Variants in KCNIP3 observed in about 807,000 individuals in gnomAD.
The protein encoded by KCNIP3 is potassium voltage-gated channel interacting protein 3.
In KCNIP3, 28 loss-of-function variants were observed where a neutral mutation model predicts 35.0. That is an observed-to-expected ratio of 0.80 (90% CI 0.59 to 1.10). KCNIP3 has a LOEUF of 1.10. Among genes scored for constraint, KCNIP3 ranks in the 50% least tolerant of loss-of-function variants. The pLI is 0.00. For missense variants in KCNIP3, 295 were observed against 338.4 expected (o/e 0.87, Z 1.01); for synonymous variants, 134 against 133.8 (o/e 1.00, Z -0.01).
At chr2:95,355,807 C>T (rs1487026463) in intron 2 of KCNIP3, among the ~76,000 whole-genome samples, 3 of 152,132 alleles carry the variant, frequency 2.0e-5, no homozygotes, top group African/African-American at 4.8e-5. Flanking sequence ...TATAAACATA[C>T]GTGTGCATGT....
chr2:95,323,262 T>G lies in KCNIP3; in HGVS notation c.181+12742T>G, dbSNP rs1678641319. ...AGGTCCCTCCCCAGTATGCTGGGCATGTGGGGCCCACATCCCTGCCCTCTG... is the reference window on the plus strand; with the variant it reads ...AGGTCCCTCCCCAGTATGCTGGGCAGGTGGGGCCCACATCCCTGCCCTCTG... On this transcript the variant is annotated intron_variant, in intron 2 of 8. Coordinates refer to ENST00000295225, the MANE Select transcript of KCNIP3 (RefSeq NM_013434.5). 1.3e-5 allele frequency among the ~76,000 whole-genome samples: 2 copies of G among 152,324 alleles called. 1 individual carries two copies. The highest frequency in any genetic ancestry group is 1.3e-4 in the Admixed American group (2 of 15,310).
chr2:95,327,035 T>C (rs777489879), intron 2 of KCNIP3, among the ~76,000 whole-genome samples: 3 of 152,230 alleles, frequency 2.0e-5, no homozygotes, highest in Non-Finnish European at 2.9e-5. Context: ...CCCAGTCAGA[T>C]TGCACGGGAC....
At chr2:95,321,970 A>G (rs1678608324) in intron 2 of KCNIP3, among the ~76,000 whole-genome samples, 2 of 151,696 alleles carry the variant, frequency 1.3e-5, no homozygotes, top group South Asian at 4.2e-4. Flanking sequence ...CGTTTCCACT[A>G]CTCTTAAGCA....
At position 95,382,814 on chromosome 2, in the gene KCNIP3, A is replaced by G. The variant is rs568152679; in HGVS notation, c.660+333A>G. Among the ~76,000 whole-genome samples, 4 of 152,184 alleles carry G rather than the reference A, an allele frequency of 2.6e-5. No individual in the cohort carries two copies. The highest frequency in any genetic ancestry group is 1.3e-4 in the Admixed American group (2 of 15,290). On this transcript the variant is annotated intron_variant, in intron 7 of 8. Transcript: ENST00000295225. The surrounding 1 kb of genome is among the most constrained non-coding windows in gnomAD (Gnocchi z 4.5). ...AGGTTGGGGGCCTTCACCTGTATGC[A>G]TGGCGGCTGCAGGGGCTGCAGGCTT...
intron 2 of KCNIP3, among the ~76,000 whole-genome samples, chr2:95,367,511 T>C (rs1231851251): frequency 1.3e-5 from 2 of 152,210 alleles, no homozygotes; most frequent in Non-Finnish European, 2.9e-5. Context: ...AACATAGTTA[T>C]GTTTCTTCCA....
rs140784187 is a variant in KCNIP3 at position 95,341,761 on chromosome 2, C to A, written c.181+31241C>A. 3.4e-3 allele frequency among the ~76,000 whole-genome samples: 514 copies of A among 152,308 alleles called. 2 individuals carry two copies. The highest frequency in any genetic ancestry group is 5.8e-3 in the Non-Finnish European group (394 of 68,026). On this transcript the variant is annotated intron_variant, in intron 2 of 8. Transcript: ENST00000295225. ...TGTGCTCTTGCTAGTGACACCAGGGCATCCTGTGCTGAAACAATTGGGAAA... is the reference window on the plus strand; with the variant it reads ...TGTGCTCTTGCTAGTGACACCAGGGAATCCTGTGCTGAAACAATTGGGAAA...
intron 2 of KCNIP3, among the ~76,000 whole-genome samples, chr2:95,320,304 A>G (rs1363175994): frequency 3.9e-5 from 6 of 152,074 alleles, no homozygotes; most frequent in Non-Finnish European, 8.8e-5. Flanking sequence ...TCCTGTGGTC[A>G]CCTTTCAGGT....
intron 5 of KCNIP3, among the ~76,000 whole-genome samples, chr2:95,379,988 A>G (rs1401768045): frequency 6.6e-6 from 1 of 152,034 alleles, no homozygotes; most frequent in African/African-American, 2.4e-5. Context: ...GTCTTTCCTG[A>G]TTGCTCCTAC....
intron 2 of KCNIP3, among the ~76,000 whole-genome samples, chr2:95,374,046 G>C (rs540380158): frequency 3.8e-4 from 58 of 150,822 alleles, no homozygotes; most frequent in East Asian, 3.1e-3. Flanking sequence ...CGGCTGACAG[G>C]GGGGCACACT....
intron 2 of KCNIP3, among the ~76,000 whole-genome samples, chr2:95,362,287 G>A (rs1413865197): frequency 2.6e-5 from 4 of 151,996 alleles, no homozygotes; most frequent in African/African-American, 7.3e-5. Context: ...TGTATTTTTA[G>A]TAGAGACAGG....
chr2:95,306,419 G>A (rs949125336), intron 1 of KCNIP3, among the ~76,000 whole-genome samples: 2 of 152,222 alleles, frequency 1.3e-5, no homozygotes, highest in African/African-American at 4.8e-5. Context: ...GTCACATGAG[G>A]ATCAGGTTCC....
chr2:95,375,669 G>T (rs570574317), intron 5 of KCNIP3, among the ~76,000 whole-genome samples: 6 of 152,288 alleles, frequency 3.9e-5, no homozygotes, highest in African/African-American at 1.4e-4. Flanking sequence ...GCTCATCCCA[G>T]CTGGGCACTG....
chr2:95,333,634 C>T (rs911707327), intron 2 of KCNIP3, among the ~76,000 whole-genome samples: 2 of 152,182 alleles, frequency 1.3e-5, no homozygotes, highest in African/African-American at 2.4e-5. Flanking sequence ...TGTGACAGCT[C>T]GTAGGAGCAT....
At position 95,297,378 on chromosome 2, in the gene KCNIP3, A is replaced by T; in HGVS notation, c.-61A>T. ...GAGGCAGCTGCCAGCCGGCCTGGGC[A>T]GTCTTGTCTGCCTCGGCTGTGAAGT... On this transcript the variant is annotated 5_prime_UTR_variant, in exon 1 of 9. Coordinates refer to ENST00000295225, the MANE Select transcript of KCNIP3 (RefSeq NM_013434.5). The T allele has an allele frequency of 6.6e-7, 1 of 1,523,858 alleles. No individual in the cohort carries two copies. The highest frequency in any genetic ancestry group is 8.9e-7 in the Non-Finnish European group (1 of 1,125,622). The allele number at this position is 1,523,858 out of a possible 1,614,324, so 94.4% of individuals were successfully genotyped here. A position where few individuals can be genotyped will look rare whatever the true frequency, so the allele number is the denominator to read the frequency against.
chr2:95,374,450 C>T, intron 3 of KCNIP3, 30 bp downstream of exon 3: 1 of 1,608,662 alleles, frequency 6.2e-7, no homozygotes, highest in African/African-American at 1.3e-5. Flanking sequence ...CCGGGAGAGG[C>T]CTTGGAGACC....
At chr2:95,325,709 ACAGT>A (rs1456393752) in intron 2 of KCNIP3, among the ~76,000 whole-genome samples, 2 of 151,750 alleles carry the variant, frequency 1.3e-5, no homozygotes, top group Admixed American at 6.6e-5. Context: ...ATACATACAC[ACAGT>A]CATACACTTA....
At chr2:95,349,281 G>A (rs1029305071) in intron 2 of KCNIP3, among the ~76,000 whole-genome samples, 2 of 152,162 alleles carry the variant, frequency 1.3e-5, no homozygotes, top group African/African-American at 4.8e-5. Context: ...GCCACTGGGG[G>A]CCGGAAGGGG....
At chr2:95,355,329 C>T (rs1200722470) in intron 2 of KCNIP3, 1 of 152,050 alleles carries the variant, frequency 6.6e-6, no homozygotes, top group Non-Finnish European at 1.5e-5. Flanking sequence ...ATGGAGGAGG[C>T]GCTTTCTTTC....
intron 2 of KCNIP3, among the ~76,000 whole-genome samples, chr2:95,340,844 A>T (rs1278034223): frequency 6.6e-6 from 1 of 152,218 alleles, no homozygotes; most frequent in Non-Finnish European, 1.5e-5. Flanking sequence ...ATACCACTGC[A>T]TCTAAGCTGG....
Sources: gnomAD v4.1 joint callset for allele counts (sites outside exome capture counted in the v4.1 genomes callset) on GRCh38, gnomAD v4.1.1 for gene constraint, Gnocchi (gnomAD v3.1) non-coding constraint, MANE v1.5 for transcripts, NCBI Gene and HGNC (gene_info 2026-07-23, HGNC 2026-07-21) for gene names.